Variants in EXTL3 observed in about 807,000 individuals in gnomAD.
EXTL3 encodes exostosin like glycosyltransferase 3.
EXTL3 carries 27 observed loss-of-function variants against 69.3 expected under a neutral mutation model. The observed-to-expected ratio is 0.39, with a 90% CI of 0.29 to 0.54. The LOEUF (loss-of-function observed/expected upper bound fraction) is 0.54, where lower values mean the gene tolerates loss of function less well. Ranked by LOEUF, EXTL3 falls within the 20% of genes least tolerant of loss-of-function variation. The pLI is 0.69. For missense variants in EXTL3, 1,003 were observed against 1,231.8 expected (o/e 0.81, Z 2.78); for synonymous variants, 511 against 499.4 (o/e 1.02, Z -0.31).
At chr8:28,671,235 G>C (rs2130641723) in intron 1 of EXTL3, among the ~76,000 whole-genome samples, 2 of 150,724 alleles carry the variant, frequency 1.3e-5, no homozygotes, top group South Asian at 4.2e-4. Context: ...GCCCACCTTG[G>C]CCTCCCAAAG....
At chr8:28,718,322 C>G in intron 3 of EXTL3, 115 bp downstream of exon 3, 1 of 1,020,622 alleles carries the variant, frequency 9.8e-7, no homozygotes, top group South Asian at 1.3e-5. Flanking sequence ...AGAATACATG[C>G]ATACTCATGA....
At chr8:28,647,949 AT>A (rs1806860685) in intron 1 of EXTL3, among the ~76,000 whole-genome samples, 2 of 14,760 alleles carry the variant, frequency 1.4e-4, no homozygotes, top group African/African-American at 3.7e-4. Context: ...GGGGCACTAG[AT>A]GGGTTGGGGG....
chr8:28,678,353 C>G (rs1807423065), intron 1 of EXTL3, among the ~76,000 whole-genome samples: 1 of 152,114 alleles, frequency 6.6e-6, no homozygotes, highest in East Asian at 1.9e-4. Context: ...AATTCGATTC[C>G]CAATGTTGGA....
intron 1 of EXTL3, among the ~76,000 whole-genome samples, chr8:28,632,093 C>T (rs1013543480): frequency 2.1e-5 from 3 of 145,798 alleles, no homozygotes; most frequent in African/African-American, 8.1e-5. Context: ...CTCCATCCCG[C>T]CACCACCCAC....
In EXTL3 at chr8:28,713,444, T is replaced by A; in HGVS notation, c.-569-13T>A. On this transcript the variant is annotated splice_polypyrimidine_tract_variant and intron_variant, in intron 1 of 6. Coordinates refer to ENST00000220562, the MANE Select transcript of EXTL3 (RefSeq NM_001440.4). ...TGTTCTATTTTTGTTTTTTGTTTTT[T>A]TTTTTAAATCAGGAGAGCAAGCCCT... is the stretch of plus-strand genomic sequence containing the variant. The A allele has an allele frequency of 1.5e-6, 1 of 672,436 alleles. No homozygotes were observed. Among genetic ancestry groups the A allele is most frequent in the South Asian group, 1.6e-5 (1 of 61,716 alleles). 41.7% of individuals were successfully genotyped at this position (672,436 alleles called of 1,614,324 possible). A position where few individuals can be genotyped will look rare whatever the true frequency, so the allele number is the denominator to read the frequency against.
chr8:28,649,909 T>G lies in EXTL3; in HGVS notation c.-53+27099T>G, dbSNP rs549976593. Among the ~76,000 whole-genome samples the G allele has an allele frequency of 9.9e-5, 15 of 152,164 alleles. No homozygotes were observed. The South Asian group carries it at 3.1e-3, about 32-fold the overall frequency. ...AAGGTAATCCAAAATATAGATGTTG[T>G]TGAAAGCCCGGGCACGGTGGGTCAC... On this transcript the variant is annotated intron_variant, in intron 1 of 6. Transcript: ENST00000523149.
intron 1 of EXTL3, among the ~76,000 whole-genome samples, chr8:28,694,253 G>C (rs1800654894): frequency 6.6e-6 from 1 of 152,194 alleles, no homozygotes; most frequent in Non-Finnish European, 1.5e-5. Context: ...TAATTTATTG[G>C]TAAGAGAACA....
At chr8:28,738,672 C>T (rs1459416872) in intron 5 of EXTL3, among the ~76,000 whole-genome samples, 3 of 152,356 alleles carry the variant, frequency 2.0e-5, no homozygotes, top group East Asian at 1.9e-4. Flanking sequence ...TCTCTGAGGA[C>T]AGTGCTCCCA....
upstream of EXTL3, among the ~76,000 whole-genome samples, chr8:28,619,091 C>CAA (rs869265770): frequency 2.1e-4 from 12 of 56,874 alleles, no homozygotes; most frequent in East Asian, 5.8e-4. Context: ...GACTCCGTCT[C>CAA]AAAAAAAAAA....
chr8:28,630,250 C>G (rs1021171619), intron 1 of EXTL3, among the ~76,000 whole-genome samples: 7 of 152,198 alleles, frequency 4.6e-5, no homozygotes, highest in Non-Finnish European at 1.0e-4. Flanking sequence ...TGCACACACA[C>G]TCTTGCCTGC....
chr8:28,678,256 A>G (rs979301330), intron 1 of EXTL3: 2 of 152,232 alleles, frequency 1.3e-5, no homozygotes, highest in African/African-American at 4.8e-5. Flanking sequence ...TTTCTTCTAC[A>G]AGGAAGAGTA....
At chr8:28,705,591 T>G (rs572026074) in intron 1 of EXTL3, among the ~76,000 whole-genome samples, 8 of 151,860 alleles carry the variant, frequency 5.3e-5, no homozygotes, top group African/African-American at 1.9e-4. Context: ...CTGATTTATG[T>G]ATGGCTTAGC....
At chr8:28,666,191 A>G (rs1807193948) in intron 1 of EXTL3, among the ~76,000 whole-genome samples, 1 of 152,172 alleles carries the variant, frequency 6.6e-6, no homozygotes, top group African/African-American at 2.4e-5. Flanking sequence ...GAGAGATCTT[A>G]GGTACTCAGT....
intron 1 of EXTL3, among the ~76,000 whole-genome samples, chr8:28,705,505 G>GT (rs1267185928): frequency 6.6e-6 from 1 of 151,368 alleles, no homozygotes; most frequent in African/African-American, 2.4e-5. Flanking sequence ...ATCACCTTGA[G>GT]TCCAGGAGTT....
chr8:28,619,310 A>G (rs893543243), upstream of EXTL3, among the ~76,000 whole-genome samples: 4 of 122,848 alleles, frequency 3.3e-5, no homozygotes, highest in South Asian at 1.0e-3. Flanking sequence ...AAAAAAAAAA[A>G]AAAAACCCTG....
chr8:28,645,326 A>G (rs1806811009), intron 1 of EXTL3, among the ~76,000 whole-genome samples: 1 of 152,260 alleles, frequency 6.6e-6, no homozygotes. Flanking sequence ...GTGCAAAAAC[A>G]TTTAGGTCTA....
intron 2 of EXTL3, among the ~76,000 whole-genome samples, chr8:28,713,891 TTTTC>T (rs1370899001): frequency 1.0e-4 from 15 of 150,104 alleles, no homozygotes; most frequent in Non-Finnish European, 5.9e-5. Flanking sequence ...TAATATCCTC[TTTTC>T]TTTCTTTCTT....
chr8:28,756,468 G>A (rs78425313), downstream of EXTL3, among the ~76,000 whole-genome samples: 92 of 152,282 alleles, frequency 6.0e-4, no homozygotes, highest in South Asian at 5.4e-3. Flanking sequence ...GTATTCCCTT[G>A]TATGAATTGA....
At chr8:28,690,403 A>C (rs1800595489) in intron 1 of EXTL3, among the ~76,000 whole-genome samples, 1 of 151,610 alleles carries the variant, frequency 6.6e-6, no homozygotes, top group East Asian at 1.9e-4. Flanking sequence ...AATATTTATT[A>C]TTTCATAGTT....
Sources: gnomAD v4.1 joint callset for allele counts (sites outside exome capture counted in the v4.1 genomes callset) on GRCh38, gnomAD v4.1.1 for gene constraint, MANE v1.5 for transcripts, NCBI Gene and HGNC (gene_info 2026-07-23, HGNC 2026-07-21) for gene names.